CFAP70: variants seen among roughly 807,000 people sequenced by gnomAD.
CFAP70 encodes cilia- and flagella-associated protein 70.
In CFAP70, 81 loss-of-function variants were observed where a neutral mutation model predicts 137.6. The observed-to-expected ratio is 0.59, with a 90% CI of 0.49 to 0.71. The LOEUF is 0.71. Ranked by LOEUF, CFAP70 falls within the 30% of genes least tolerant of loss-of-function variation. The pLI is 0.00. For synonymous variants in CFAP70, 382 were observed against 423.6 expected (o/e 0.90, Z 1.20); for missense variants, 976 against 1,226.7 (o/e 0.80, Z 3.05).
At chr10:73,266,307 C>G (rs2045765848) in intron 25 of CFAP70, among the ~76,000 whole-genome samples, 1 of 152,084 alleles carries the variant, frequency 6.6e-6, no homozygotes, top group Non-Finnish European at 1.5e-5. Flanking sequence ...CCCTATACAC[C>G]CTGTTCCCCA....
chr10:73,299,660 T>A, exon 13 of CFAP70: 1 of 1,612,278 alleles, frequency 6.2e-7, no homozygotes. Flanking sequence ...AATCATTTCC[T>A]TGACCCTGTA....
At chr10:73,314,856 C>T (rs1307492367) in intron 9 of CFAP70, among the ~76,000 whole-genome samples, 3 of 151,922 alleles carry the variant, frequency 2.0e-5, no homozygotes, top group Non-Finnish European at 4.4e-5. Context: ...CTGCCCACCT[C>T]GGCCTCCCAA....
chr10:73,362,142 G>A (rs928019066), upstream of CFAP70, among the ~76,000 whole-genome samples: 2 of 152,262 alleles, frequency 1.3e-5, no homozygotes, highest in African/African-American at 4.8e-5. Context: ...GATCTACTGG[G>A]ATGTGGGAGG....
chr10:73,264,652 C>A (rs1056796729), intron 25 of CFAP70, among the ~76,000 whole-genome samples: 1 of 152,158 alleles, frequency 6.6e-6, no homozygotes, highest in South Asian at 2.1e-4. Context: ...TAAAACTATA[C>A]TCTAAAATGT....
chr10:73,298,633 C>T (rs1386192297), intron 14 of CFAP70, among the ~76,000 whole-genome samples: 3 of 152,096 alleles, frequency 2.0e-5, no homozygotes, highest in African/African-American at 7.2e-5. Context: ...CTGCCTCCTA[C>T]AGTGACAATG....
intron 12 of CFAP70, among the ~76,000 whole-genome samples, chr10:73,305,995 A>AT (rs1170830043): frequency 6.6e-6 from 1 of 152,130 alleles, no homozygotes; most frequent in Non-Finnish European, 1.5e-5. Context: ...AACAGAAATT[A>AT]TTTTTTAAAA....
intron 9 of CFAP70, among the ~76,000 whole-genome samples, chr10:73,322,050 C>A (rs1219122926): frequency 6.6e-6 from 1 of 152,200 alleles, no homozygotes; most frequent in African/African-American, 2.4e-5. Flanking sequence ...TCCCACAGTG[C>A]TGGGATTACA....
chr10:73,330,966 T>C (rs1388168269), intron 8 of CFAP70, among the ~76,000 whole-genome samples: 1 of 152,162 alleles, frequency 6.6e-6, no homozygotes, highest in East Asian at 1.9e-4. Context: ...TGGTCAATAA[T>C]CCTGGTTTTT....
intron 3 of CFAP70, among the ~76,000 whole-genome samples, chr10:73,348,896 C>T (rs927669786): frequency 1.3e-5 from 2 of 151,864 alleles, no homozygotes; most frequent in African/African-American, 4.8e-5. Context: ...AAACCTGCCT[C>T]TACTAAAAAT....
At chr10:73,309,719 C>T (rs544183846) in intron 12 of CFAP70, among the ~76,000 whole-genome samples, 2 of 149,756 alleles carry the variant, frequency 1.3e-5, no homozygotes, top group Non-Finnish European at 3.0e-5. Context: ...TGCAGTGGTG[C>T]GATCTCGGCT....
intron 20 of CFAP70, 142 bp from the exon 22 acceptor site, chr10:73,277,503 A>G: frequency 2.5e-6 from 2 of 788,068 alleles, no homozygotes; most frequent in Non-Finnish European, 3.8e-6. Context: ...TCACGAGGTC[A>G]GGAGTTCGAG....
chr10:73,351,586 C>T (rs1393521251), intron 3 of CFAP70, among the ~76,000 whole-genome samples: 10 of 152,094 alleles, frequency 6.6e-5, no homozygotes, highest in African/African-American at 2.2e-4. Flanking sequence ...GCAGGCTCCA[C>T]CACGCCTGGC....
intron 3 of CFAP70, among the ~76,000 whole-genome samples, chr10:73,352,873 T>C (rs2054383676): frequency 1.3e-5 from 2 of 152,234 alleles, no homozygotes; most frequent in Admixed American, 1.3e-4. Context: ...TATTATGACT[T>C]TTTTATTTGT....
intron 12 of CFAP70, among the ~76,000 whole-genome samples, chr10:73,303,871 T>C (rs2049154626): frequency 6.6e-6 from 1 of 152,198 alleles, no homozygotes; most frequent in South Asian, 2.1e-4. Context: ...TGGTCTCTTT[T>C]GTGACTAATG....
intron 19 of CFAP70, among the ~76,000 whole-genome samples, chr10:73,284,722 C>T (rs1354830886): frequency 6.8e-5 from 5 of 73,360 alleles, no homozygotes; most frequent in Admixed American, 5.9e-4. Context: ...AGCCTATGGG[C>T]CATATATGAC....
chr10:73,326,244 C>T (rs1049067280), intron 8 of CFAP70, among the ~76,000 whole-genome samples: 20 of 151,270 alleles, frequency 1.3e-4, no homozygotes, highest in Non-Finnish European at 2.4e-4. Context: ...CTATTGGGTA[C>T]GTAACAAAAT....
At chr10:73,320,910 G>A (rs998109630) in intron 9 of CFAP70, among the ~76,000 whole-genome samples, 14 of 152,006 alleles carry the variant, frequency 9.2e-5, no homozygotes, top group South Asian at 4.2e-4. Flanking sequence ...CAGGTGATCC[G>A]CCCGCCTCGG....
At chr10:73,299,653 C>A (rs187422930) in exon 13 of CFAP70, 13 of 1,612,144 alleles carry the variant, frequency 8.1e-6, no homozygotes, top group Admixed American at 1.7e-5. Context: ...TTGGAGGAAT[C>A]ATTTCCTTGA....
chr10:73,343,345 A>G (rs2053437454), intron 5 of CFAP70, among the ~76,000 whole-genome samples: 1 of 152,114 alleles, frequency 6.6e-6, no homozygotes, highest in African/African-American at 2.4e-5. Context: ...CCCAGACACT[A>G]TTATAGAGAA....
Sources: allele counts gnomAD v4.1 joint callset (sites outside exome capture counted in the v4.1 genomes callset), GRCh38; gene constraint gnomAD v4.1.1; transcripts MANE v1.5; gene names NCBI Gene and HGNC (gene_info 2026-07-23, HGNC 2026-07-21).